The following SLC24A4 variants were observed in gnomAD, a reference collection of about 807,000 sequenced individuals.
SLC24A4 encodes the protein solute carrier family 24 member 4.
A neutral mutation model predicts 79.0 loss-of-function variants in SLC24A4; 53 were observed. The ratio of observed to expected loss-of-function variants is 0.67; its 90% CI spans 0.54 to 0.84. SLC24A4 has a LOEUF of 0.84. SLC24A4 is among the 40% of genes least tolerant of loss of function. The probability of loss-of-function intolerance (pLI) is 0.00; values close to 1 mark genes in which losing one functional copy is unlikely to be tolerated. For synonymous variants in SLC24A4, 323 were observed against 323.8 expected (o/e 1.00, Z 0.03); for missense variants, 731 against 822.0 (o/e 0.89, Z 1.35).
Position 92,398,261 on chromosome 14 carries a change from T to A in SLC24A4, c.242-35651T>A, listed in dbSNP as rs376017775. Among the ~76,000 whole-genome samples, 8 of 152,308 alleles carry A rather than the reference T, an allele frequency of 5.3e-5. No individual in the cohort carries two copies. In the East Asian group the frequency reaches 9.7e-4, roughly 18 times the overall value. On this transcript the variant is annotated intron_variant, in intron 2 of 16. Coordinates refer to ENST00000532405, the MANE Select transcript of SLC24A4 (RefSeq NM_153646.4). The surrounding 1 kb of genome is among the most constrained non-coding windows in gnomAD (Gnocchi z 4.1). ...GCAACAGGACAGTTGAGTGCTAGAC[T>A]AAGGATGCCCTTATCTTCGGAGCAG...
At chr14:92,438,510 C>T (rs1892305658) in intron 3 of SLC24A4, among the ~76,000 whole-genome samples, 1 of 151,870 alleles carries the variant, frequency 6.6e-6, no homozygotes, top group African/African-American at 2.4e-5. Context: ...GTCCCAGCTA[C>T]TTGGGAGGCT....
At chr14:92,473,011 C>A (rs1020129047) in intron 12 of SLC24A4, among the ~76,000 whole-genome samples, 29 of 152,234 alleles carry the variant, frequency 1.9e-4, no homozygotes, top group Non-Finnish European at 1.5e-4. Flanking sequence ...CTTGTTCCTC[C>A]TCACCAGCAC....
intron 2 of SLC24A4, among the ~76,000 whole-genome samples, chr14:92,407,723 A>G (rs1566744936): frequency 6.6e-6 from 1 of 150,590 alleles, no homozygotes; most frequent in Non-Finnish European, 1.5e-5. Context: ...TGAGAACAGC[A>G]AGGGGGAAAT....
intron 2 of SLC24A4, among the ~76,000 whole-genome samples, chr14:92,394,495 C>T (rs905113967): frequency 2.0e-5 from 3 of 152,122 alleles, no homozygotes; most frequent in Non-Finnish European, 4.4e-5. Context: ...GTCCCAGCCA[C>T]GCAGGAGAGT....
rs145767759 is a variant in SLC24A4 at position 92,380,841 on chromosome 14, G to T, written c.242-53071G>T. On this transcript the variant is annotated intron_variant, in intron 2 of 16. Coordinates refer to ENST00000532405, the MANE Select transcript of SLC24A4 (RefSeq NM_153646.4). ...GCAAGCGGCTCAGGCTGGACTCAAG[G>T]TGCTGCCGCTCATGAGCTGAGTGAC... Among the ~76,000 whole-genome samples, 681 of 152,330 alleles carry T rather than the reference G, an allele frequency of 4.5e-3. 10 individuals carry two copies. The highest frequency in any genetic ancestry group is 0.016 in the African/African-American group (653 of 41,578).
chr14:92,384,584 C>T (rs150018877), intron 2 of SLC24A4, among the ~76,000 whole-genome samples: 9 of 152,094 alleles, frequency 5.9e-5, no homozygotes, highest in East Asian at 3.9e-4. Context: ...AAATGTCTCA[C>T]GGCTCTAGGA....
chr14:92,478,680 A>G (rs755619511), intron 12 of SLC24A4, among the ~76,000 whole-genome samples: 7 of 143,638 alleles, frequency 4.9e-5, no homozygotes, highest in Non-Finnish European at 9.1e-5. Context: ...TGTTTTGGCT[A>G]TTTGGGGGTT....
intron 12 of SLC24A4, among the ~76,000 whole-genome samples, chr14:92,466,470 C>T (rs1003083546): frequency 3.3e-5 from 5 of 152,138 alleles, no homozygotes; most frequent in Non-Finnish European, 7.4e-5. Flanking sequence ...AACCTGGATA[C>T]CTAGCTTACT....
chr14:92,488,742 G>A (rs893011605), intron 14 of SLC24A4, among the ~76,000 whole-genome samples: 8 of 152,362 alleles, frequency 5.3e-5, no homozygotes, highest in East Asian at 1.9e-4. Context: ...GATGTTCAGC[G>A]ACATGAACTT....
At chr14:92,386,377 C>A (rs1189966529) in intron 2 of SLC24A4, among the ~76,000 whole-genome samples, 1 of 152,116 alleles carries the variant, frequency 6.6e-6, no homozygotes, top group Non-Finnish European at 1.5e-5. Context: ...TCTGAGGTCA[C>A]AGTGCAGATC....
chr14:92,408,609 G>A (rs1048678067), intron 2 of SLC24A4, among the ~76,000 whole-genome samples: 2 of 152,162 alleles, frequency 1.3e-5, no homozygotes, highest in African/African-American at 2.4e-5. Flanking sequence ...AAGTCACTTA[G>A]CTTTTTTCAG....
rs147365995 is a variant in SLC24A4, at chr14:92,405,447, G to A, written c.242-28465G>A. On this transcript the variant is annotated intron_variant, in intron 2 of 16. Coordinates refer to ENST00000532405, the MANE Select transcript of SLC24A4 (RefSeq NM_153646.4). ...CCAGTAGTGGCATACAGTAGCAAAGGTTGATTATAGCATTAGAACTAGTTT... is the reference window on the plus strand; with the variant it reads ...CCAGTAGTGGCATACAGTAGCAAAGATTGATTATAGCATTAGAACTAGTTT... Among the ~76,000 whole-genome samples, 176 of 152,282 alleles carry A rather than the reference G, an allele frequency of 1.2e-3. 1 individual carries two copies. Among genetic ancestry groups the A allele is most frequent in the African/African-American group, 3.9e-3 (161 of 41,548 alleles).
intron 12 of SLC24A4, among the ~76,000 whole-genome samples, chr14:92,466,045 A>C (rs529298910): frequency 6.6e-6 from 1 of 152,068 alleles, no homozygotes; most frequent in African/African-American, 2.4e-5. Context: ...GGTCATCAAA[A>C]CCCGCCCTGC....
intron 2 of SLC24A4, among the ~76,000 whole-genome samples, chr14:92,409,932 C>A (rs1890615488): frequency 6.6e-6 from 1 of 152,150 alleles, no homozygotes; most frequent in Non-Finnish European, 1.5e-5. Context: ...CCTTAATAAA[C>A]TAACGCAGGA....
chr14:92,438,401 C>G (rs1816118258), intron 3 of SLC24A4, among the ~76,000 whole-genome samples: 1 of 152,018 alleles, frequency 6.6e-6, no homozygotes. Context: ...TCCAGGAGTT[C>G]AAAACCAGCC....
In SLC24A4 at chr14:92,347,364, G is replaced by A. The variant is rs1886599395; in HGVS notation, c.241+21386G>A. Among the ~76,000 whole-genome samples, 6 of 152,204 alleles carry A rather than the reference G, an allele frequency of 3.9e-5. No homozygotes were observed. The South Asian group carries it at 1.2e-3, about 31-fold the overall frequency. On this transcript the variant is annotated intron_variant, in intron 2 of 16. Coordinates refer to ENST00000532405, the MANE Select transcript of SLC24A4 (RefSeq NM_153646.4). ...TATAAGACCTTACTAATGACCAAGG[G>A]CAGAGTCGAAGACACTGAAGATTCA...
At chr14:92,343,650 T>TTC (rs1300459365) in intron 2 of SLC24A4, among the ~76,000 whole-genome samples, 1 of 126,308 alleles carries the variant, frequency 7.9e-6, no homozygotes, top group Non-Finnish European at 1.7e-5. Context: ...CTCTCTTTCC[T>TTC]TCTTTCCTTC....
intron 14 of SLC24A4, among the ~76,000 whole-genome samples, chr14:92,491,236 A>G (rs2139945756): frequency 6.6e-6 from 1 of 152,324 alleles, no homozygotes; most frequent in South Asian, 2.1e-4. Context: ...GCTCTGTGAC[A>G]TGAGATTCTT....
Position 92,494,593 on chromosome 14 carries a change from A to C in SLC24A4, c.*965A>C, listed in dbSNP as rs1467811675. 2 of 152,230 alleles carry C rather than the reference A, an allele frequency of 1.3e-5. No homozygotes were observed. The highest frequency in any genetic ancestry group is 4.8e-5 in the African/African-American group (2 of 41,444). The allele number at this position is 152,230 out of a possible 1,614,324, so 9.4% of individuals were successfully genotyped here. ...TTGTGGGTTTGTCATTTATTGGTTA[A>C]TGCTCTAGTTTCAAAACCACCCTGT... On this transcript the variant is annotated 3_prime_UTR_variant, in exon 17 of 17. Coordinates refer to ENST00000532405, the MANE Select transcript of SLC24A4 (RefSeq NM_153646.4). The surrounding 1 kb of genome is among the most constrained non-coding windows in gnomAD (Gnocchi z 4.6).
Sources: allele counts gnomAD v4.1 joint callset (sites outside exome capture counted in the v4.1 genomes callset), GRCh38; gene constraint gnomAD v4.1.1; non-coding constraint Gnocchi (gnomAD v3.1); transcripts MANE v1.5; gene names NCBI Gene and HGNC (gene_info 2026-07-23, HGNC 2026-07-21).